Variants in CACNA1C observed in about 807,000 individuals in gnomAD.
CACNA1C encodes voltage-dependent L-type calcium channel subunit alpha-1C.
Under a neutral mutation model 229.0 loss-of-function variants are expected in CACNA1C, and 30 were observed. That is an observed-to-expected ratio of 0.13 (90% confidence interval 0.10 to 0.18). The LOEUF is 0.18. Ranked by LOEUF, CACNA1C falls within the 10% of genes least tolerant of loss-of-function variation. The pLI is 1.00. For synonymous variants in CACNA1C, 1,114 were observed against 1,132.5 expected (o/e 0.98, Z 0.33); for missense variants, 1,658 against 2,845.0 (o/e 0.58, Z 9.49).
intron 1 of CACNA1C, among the ~76,000 whole-genome samples, chr12:2,110,996 G>T: frequency 6.6e-6 from 1 of 151,652 alleles, no homozygotes; most frequent in South Asian, 2.1e-4. Flanking sequence ...TGTCTCACCC[G>T]AGAGGCCATA....
chr12:2,515,934 G>T (rs1009771353), intron 9 of CACNA1C, among the ~76,000 whole-genome samples: 3 of 152,130 alleles, frequency 2.0e-5, no homozygotes, highest in African/African-American at 7.2e-5. Context: ...TCTCTGCCAG[G>T]CACTGCCATA....
intron 34 of CACNA1C, among the ~76,000 whole-genome samples, chr12:2,656,003 A>G (rs1569088214): frequency 6.6e-6 from 1 of 152,190 alleles, no homozygotes; most frequent in Non-Finnish European, 1.5e-5. Flanking sequence ...TAGTGGTGAA[A>G]AGTTGAAAGC....
chr12:2,541,389 A>G (rs866611464), intron 9 of CACNA1C, among the ~76,000 whole-genome samples: 6 of 152,218 alleles, frequency 3.9e-5, no homozygotes, highest in African/African-American at 1.2e-4. Context: ...TGCCGCTCAT[A>G]TGCAAAAAAT....
At chr12:2,356,119 G>A (rs2097354742) in intron 3 of CACNA1C, among the ~76,000 whole-genome samples, 1 of 152,232 alleles carries the variant, frequency 6.6e-6, no homozygotes. Flanking sequence ...TTAGGCAAAT[G>A]CACCAATTAC....
intron 5 of CACNA1C, among the ~76,000 whole-genome samples, chr12:2,463,238 A>G (rs1394426002): frequency 3.3e-5 from 5 of 152,186 alleles, no homozygotes; most frequent in African/African-American, 7.2e-5. Context: ...ATGCACATAT[A>G]TGTACTAAAT....
At chr12:2,028,439 C>G (rs1004287488) in intron 1 of CACNA1C, among the ~76,000 whole-genome samples, 3 of 152,168 alleles carry the variant, frequency 2.0e-5, no homozygotes, top group African/African-American at 7.2e-5. Flanking sequence ...ATAATCTGCT[C>G]AAAGTCACAA....
rs761757246 is a variant in CACNA1C, at chr12:2,585,370, G to C, written c.2340-6G>C. Reference sequence around the variant, plus strand: ...CATTTATTTTTTTCTGCTGCTGACTGGCCAGGACTGCCAGCCCAGAGAAGA... The same window carrying C: ...CATTTATTTTTTTCTGCTGCTGACTCGCCAGGACTGCCAGCCCAGAGAAGA... On this transcript the variant is annotated splice_region_variant and splice_polypyrimidine_tract_variant and intron_variant, in intron 16 of 46. Coordinates refer to ENST00000399655, the MANE Select transcript of CACNA1C (RefSeq NM_000719.7). The surrounding 1 kb of genome is among the most constrained non-coding windows in gnomAD (Gnocchi z 4.1). 7 of 1,611,952 alleles carry C rather than the reference G, an allele frequency of 4.3e-6. No individual in the cohort carries two copies. Among genetic ancestry groups the C allele is most frequent in the Non-Finnish European group, 5.9e-6 (7 of 1,179,090 alleles).
chr12:2,170,051 G>T (rs934684572), intron 3 of CACNA1C, among the ~76,000 whole-genome samples: 7 of 152,228 alleles, frequency 4.6e-5, no homozygotes, highest in East Asian at 1.9e-4. Context: ...TCTCTGCCTG[G>T]TTTTTTCCAC....
chr12:2,228,293 C>T (rs908217116), intron 3 of CACNA1C, among the ~76,000 whole-genome samples: 1 of 152,162 alleles, frequency 6.6e-6, no homozygotes, highest in Non-Finnish European at 1.5e-5. Flanking sequence ...GCACTTGACA[C>T]GTGTATACTC....
chr12:2,656,579 A>G (rs1179653822), intron 34 of CACNA1C, among the ~76,000 whole-genome samples: 1 of 152,236 alleles, frequency 6.6e-6, no homozygotes, highest in Non-Finnish European at 1.5e-5. Context: ...GGAAAAAACA[A>G]TCCTAAAATT....
intron 3 of CACNA1C, among the ~76,000 whole-genome samples, chr12:2,187,285 AG>A (rs2097064203): frequency 2.6e-5 from 4 of 152,172 alleles, no homozygotes; most frequent in African/African-American, 7.2e-5. Flanking sequence ...GACCCAGTCG[AG>A]GCTCGGAGTT....
At chr12:2,580,981 A>G (rs114977127) in intron 13 of CACNA1C, among the ~76,000 whole-genome samples, 7,587 of 152,318 alleles carry the variant, frequency 0.05, 661 homozygotes, top group African/African-American at 0.17. Context: ...TTCTTAGGAC[A>G]GCGTAAACTT....
chr12:2,157,346 C>T (rs890903176), intron 3 of CACNA1C, among the ~76,000 whole-genome samples: 12 of 152,226 alleles, frequency 7.9e-5, no homozygotes, highest in African/African-American at 2.9e-4. Context: ...ATACTCTTCC[C>T]ATTTCAGCTG....
At chr12:2,480,447 G>C (rs1000456636) in intron 5 of CACNA1C, among the ~76,000 whole-genome samples, 3 of 152,196 alleles carry the variant, frequency 2.0e-5, no homozygotes, top group African/African-American at 7.2e-5. Context: ...TACATCAGTT[G>C]CATGATTATT....
At position 2,677,452 on chromosome 12, in the gene CACNA1C, C is replaced by T; in HGVS notation, c.4956+231C>T. ...ATGGTTCTGCCTGCTGTCATAGCCC[C>T]CAGATCTCTCAAATACTTCACTGAG... On this transcript the variant is annotated intron_variant, in intron 40 of 46. Coordinates refer to ENST00000399655, the MANE Select transcript of CACNA1C (RefSeq NM_000719.7). The surrounding 1 kb of genome is among the most constrained non-coding windows in gnomAD (Gnocchi z 7.4). 1.6e-6 allele frequency: 1 copy of T among 617,170 alleles called. No homozygotes were observed. The highest frequency in any genetic ancestry group is 2.8e-6 in the Non-Finnish European group (1 of 356,318). The allele number at this position is 617,170 out of a possible 1,614,324, so 38.2% of individuals were successfully genotyped here.
At chr12:2,594,617 A>G (rs1251854155) in intron 19 of CACNA1C, among the ~76,000 whole-genome samples, 4 of 152,214 alleles carry the variant, frequency 2.6e-5, no homozygotes, top group Admixed American at 6.5e-5. Context: ...TTCATTAAAT[A>G]TTTCAAATAT....
intron 3 of CACNA1C, among the ~76,000 whole-genome samples, chr12:2,259,865 G>A (rs921752910): frequency 6.6e-6 from 1 of 152,112 alleles, no homozygotes; most frequent in East Asian, 1.9e-4. Flanking sequence ...GAGCCCAGGA[G>A]GTGGAGGCTG....
chr12:2,322,498 C>T (rs747792421), intron 3 of CACNA1C, among the ~76,000 whole-genome samples: 3 of 152,282 alleles, frequency 2.0e-5, no homozygotes, highest in African/African-American at 4.8e-5. Context: ...TCCATCTGCA[C>T]GATCTGCAGG....
chr12:2,062,228 T>C (rs1282441017), intron 1 of CACNA1C, among the ~76,000 whole-genome samples: 2 of 152,232 alleles, frequency 1.3e-5, no homozygotes, highest in African/African-American at 4.8e-5. Context: ...ATAGCCACCA[T>C]TTATTGAATG....
Sources: allele counts gnomAD v4.1 joint callset (sites outside exome capture counted in the v4.1 genomes callset), GRCh38; gene constraint gnomAD v4.1.1; non-coding constraint Gnocchi (gnomAD v3.1); transcripts MANE v1.5; gene names NCBI Gene and HGNC (gene_info 2026-07-23, HGNC 2026-07-21).